The following FRMD4A variants were observed in gnomAD, a reference collection of about 807,000 sequenced individuals.
FRMD4A encodes FERM domain containing 4A.
A neutral mutation model predicts 129.1 loss-of-function variants in FRMD4A; 29 were observed. The observed-to-expected ratio is 0.22, with a 90% CI of 0.17 to 0.31. FRMD4A has a LOEUF of 0.31. FRMD4A is among the 10% of genes least tolerant of loss of function. The pLI, the probability that FRMD4A is intolerant of heterozygous loss-of-function variation, is 1.00. For synonymous variants in FRMD4A, 634 were observed against 571.6 expected (o/e 1.11, Z -1.56); for missense variants, 1,272 against 1,375.8 (o/e 0.92, Z 1.19).
intron 2 of FRMD4A, among the ~76,000 whole-genome samples, chr10:14,153,553 G>A (rs1459752229): frequency 2.6e-5 from 4 of 152,188 alleles, no homozygotes; most frequent in Non-Finnish European, 5.9e-5. Flanking sequence ...GCTGTAAGAT[G>A]AGGCTACACC....
chr10:13,717,825 T>G (rs1306099331), intron 12 of FRMD4A, among the ~76,000 whole-genome samples: 1 of 151,558 alleles, frequency 6.6e-6, no homozygotes, highest in Non-Finnish European at 1.5e-5. Context: ...GTCATCGGAC[T>G]GTACGGAAGA....
At chr10:14,186,766 A>T (rs1047464609) in intron 2 of FRMD4A, among the ~76,000 whole-genome samples, 31 of 152,116 alleles carry the variant, frequency 2.0e-4, no homozygotes, top group African/African-American at 6.3e-4. Flanking sequence ...GGAGACTGGC[A>T]AAGAAGATCA....
At chr10:13,847,031 G>A (rs1216394342) in intron 3 of FRMD4A, among the ~76,000 whole-genome samples, 2 of 152,174 alleles carry the variant, frequency 1.3e-5, no homozygotes, top group African/African-American at 4.8e-5. Context: ...GAAAAAACAG[G>A]CAAGACTTAA....
chr10:14,247,723 G>C (rs1248653149), intron 2 of FRMD4A, among the ~76,000 whole-genome samples: 5 of 152,198 alleles, frequency 3.3e-5, no homozygotes, highest in Non-Finnish European at 7.3e-5. Context: ...GAGAGGGGAA[G>C]GCCTTACGGG....
chr10:14,035,843 C>T (rs1833473823), intron 2 of FRMD4A, among the ~76,000 whole-genome samples: 1 of 152,158 alleles, frequency 6.6e-6, no homozygotes, highest in South Asian at 2.1e-4. Context: ...CTCCACCTTC[C>T]TTTCCATGTG....
chr10:14,002,350 G>A (rs2095645616), intron 2 of FRMD4A, among the ~76,000 whole-genome samples: 1 of 152,198 alleles, frequency 6.6e-6, no homozygotes, highest in African/African-American at 2.4e-5. Flanking sequence ...GTACAGCATG[G>A]TCTTAGAGTT....
At chr10:13,854,018 G>C (rs2094179059) in intron 3 of FRMD4A, among the ~76,000 whole-genome samples, 1 of 151,946 alleles carries the variant, frequency 6.6e-6, no homozygotes, top group Admixed American at 6.6e-5. Flanking sequence ...CAAGCCTCAA[G>C]AGAACCAAAT....
At chr10:13,850,646 C>A (rs1367244306) in intron 3 of FRMD4A, among the ~76,000 whole-genome samples, 1 of 152,210 alleles carries the variant, frequency 6.6e-6, no homozygotes, top group Non-Finnish European at 1.5e-5. Context: ...TCGTTTATGG[C>A]TCTGGTGTCA....
At chr10:13,964,727 A>G (rs1461961763) in intron 2 of FRMD4A, among the ~76,000 whole-genome samples, 2 of 149,042 alleles carry the variant, frequency 1.3e-5, no homozygotes, top group Non-Finnish European at 3.0e-5. Flanking sequence ...GCTGGAGTGC[A>G]ATGGCGCGAT....
intron 2 of FRMD4A, among the ~76,000 whole-genome samples, chr10:14,303,330 C>CG (rs1258185958): frequency 6.6e-6 from 1 of 152,150 alleles, no homozygotes; most frequent in African/African-American, 2.4e-5. Context: ...TTCAATGGGT[C>CG]GGGGTGAGAC....
chr10:13,907,861 T>A (rs1352672327), intron 2 of FRMD4A, among the ~76,000 whole-genome samples: 5 of 145,546 alleles, frequency 3.4e-5, no homozygotes, highest in Admixed American at 1.4e-4. Context: ...TAAAGTCACT[T>A]AAAAAAAAAA....
intron 2 of FRMD4A, among the ~76,000 whole-genome samples, chr10:13,916,290 TCTTCTTC>T (rs1374196298): frequency 1.3e-5 from 2 of 152,162 alleles, no homozygotes; most frequent in African/African-American, 4.8e-5. Context: ...TTGCCTCCCA[TCTTCTTC>T]CTTGGGTCTA....
At chr10:13,934,078 T>G (rs1348650862) in intron 2 of FRMD4A, among the ~76,000 whole-genome samples, 1 of 152,176 alleles carries the variant, frequency 6.6e-6, no homozygotes, top group East Asian at 1.9e-4. Flanking sequence ...ACTACAGGAT[T>G]TGGCAAGCAC....
chr10:14,243,764 ACTG>A (rs1844135100), intron 2 of FRMD4A, among the ~76,000 whole-genome samples: 1 of 151,858 alleles, frequency 6.6e-6, no homozygotes, highest in African/African-American at 2.4e-5. Flanking sequence ...GTACATTCAC[ACTG>A]CTATTAAACT....
At chr10:14,307,665 C>T (rs1846397550) in intron 2 of FRMD4A, among the ~76,000 whole-genome samples, 1 of 152,214 alleles carries the variant, frequency 6.6e-6, no homozygotes, top group African/African-American at 2.4e-5. Flanking sequence ...AATAGTCCAA[C>T]TCCATTGGGG....
At chr10:13,884,196 T>TCACACTCACACTCA (rs2094588235) in intron 2 of FRMD4A, among the ~76,000 whole-genome samples, 23 of 108,532 alleles carry the variant, frequency 2.1e-4, no homozygotes, top group African/African-American at 8.3e-4. Context: ...ACACACACAC[T>TCACACTCACACTCA]CACACACACA....
Position 13,884,216 on chromosome 10 carries a change from A to ACTCACACACACTCACACACTCT in FRMD4A, c.46-25305_46-25304insAGAGTGTGTGAGTGTGTGTGAG, listed in dbSNP as rs1554956601. Reference sequence around the variant, plus strand: ...CACACTCACACACACACTCACACACACACACACACACACACACACACACAC... The same window carrying ACTCACACACACTCACACACTCT: ...CACACTCACACACACACTCACACACACTCACACACACTCACACACTCTCACACACACACACACACACACACAC... On this transcript the variant is annotated intron_variant, in intron 2 of 24. Coordinates refer to ENST00000357447, the MANE Select transcript of FRMD4A (RefSeq NM_018027.5). Among the ~76,000 whole-genome samples, 158 of 125,712 alleles carry ACTCACACACACTCACACACTCT rather than the reference A, an allele frequency of 1.3e-3. 3 individuals are homozygous for ACTCACACACACTCACACACTCT. The highest frequency in any genetic ancestry group is 4.1e-3 in the African/African-American group (150 of 36,204). 82.5% of individuals were successfully genotyped at this position (125,712 alleles called of 152,430 possible). A position where few individuals can be genotyped will look rare whatever the true frequency, so the allele number is the denominator to read the frequency against.
At chr10:13,654,875 G>C (rs1471021945) in intron 22 of FRMD4A, 3 of 269,002 alleles carry the variant, frequency 1.1e-5, no homozygotes, top group African/African-American at 6.7e-5. Context: ...ATAGTCCTTT[G>C]AGCGAGACCT....
At chr10:14,324,441 A>T (rs1025619469) in intron 2 of FRMD4A, among the ~76,000 whole-genome samples, 1 of 152,172 alleles carries the variant, frequency 6.6e-6, no homozygotes, top group Non-Finnish European at 1.5e-5. Flanking sequence ...AGATGATACT[A>T]AATATTAGTT....
Sources: gnomAD v4.1 joint callset for allele counts (sites outside exome capture counted in the v4.1 genomes callset) on GRCh38, gnomAD v4.1.1 for gene constraint, MANE v1.5 for transcripts, NCBI Gene and HGNC (gene_info 2026-07-23, HGNC 2026-07-21) for gene names.